CCSER1: variants seen among roughly 807,000 people sequenced by gnomAD.
CCSER1 encodes coiled-coil serine rich protein 1, also known as serine-rich coiled-coil domain-containing protein 1.
Under a neutral mutation model 82.0 loss-of-function variants are expected in CCSER1, and 41 were observed. The observed-to-expected ratio is 0.50, with a 90% CI of 0.39 to 0.65. The LOEUF (loss-of-function observed/expected upper bound fraction) is 0.65. CCSER1 is among the 30% of genes least tolerant of loss of function. The probability of loss-of-function intolerance (pLI) is 0.00; values close to 1 mark genes in which losing one functional copy is unlikely to be tolerated. For missense variants in CCSER1, 1,119 were observed against 1,064.2 expected (o/e 1.05, Z -0.72); for synonymous variants, 414 against 383.9 (o/e 1.08, Z -0.92).
At chr4:90,875,408 G>C (rs1767071522) in intron 8 of CCSER1, among the ~76,000 whole-genome samples, 1 of 152,038 alleles carries the variant, frequency 6.6e-6, no homozygotes, top group South Asian at 2.1e-4. Flanking sequence ...ATAAAACAAA[G>C]AACCTCTCTT....
Position 91,503,273 on chromosome 4 carries a change from C to T in CCSER1, c.2218-95299C>T, listed in dbSNP as rs1350343213. ...AGGAGAATGGAGTGAACCCGGGAGG[C>T]GGAGCTTGCAGTGAGCCAAGATGGT... On this transcript the variant is annotated intron_variant, in intron 10 of 10. Coordinates refer to ENST00000509176, the MANE Select transcript of CCSER1 (RefSeq NM_001145065.2). Among the ~76,000 whole-genome samples, 47 of 149,384 alleles carry T rather than the reference C, an allele frequency of 3.1e-4. 1 individual carries two copies. Among genetic ancestry groups the T allele is most frequent in the Non-Finnish European group, 6.5e-4 (44 of 67,598 alleles).
chr4:91,202,540 T>C (rs1044385315), intron 10 of CCSER1, among the ~76,000 whole-genome samples: 3 of 152,010 alleles, frequency 2.0e-5, no homozygotes, highest in African/African-American at 7.2e-5. Context: ...AGGATTTTTA[T>C]TGATTGCCGA....
At chr4:91,085,748 A>G (rs979863979) in intron 9 of CCSER1, among the ~76,000 whole-genome samples, 2 of 151,426 alleles carry the variant, frequency 1.3e-5, no homozygotes, top group African/African-American at 4.9e-5. Context: ...GTCGGCAGGA[A>G]ATGCATTGGG....
At chr4:90,314,293 T>C (rs1277280033) in intron 3 of CCSER1, among the ~76,000 whole-genome samples, 1 of 152,204 alleles carries the variant, frequency 6.6e-6, no homozygotes, top group East Asian at 1.9e-4. Flanking sequence ...GCTATTATAT[T>C]ATTATTGTTG....
At chr4:90,454,552 G>C (rs919490075) in intron 4 of CCSER1, among the ~76,000 whole-genome samples, 6 of 152,144 alleles carry the variant, frequency 3.9e-5, no homozygotes. Context: ...AAGCCCTCCA[G>C]TATGCACACC....
At chr4:90,648,310 A>AAAGAAAGAAAGCAAGAAAGC in intron 6 of CCSER1, among the ~76,000 whole-genome samples, 1 of 151,176 alleles carries the variant, frequency 6.6e-6, no homozygotes, top group African/African-American at 2.4e-5. Context: ...AGAAAGAAAG[A>AAAGAAAGAAAGCAAGAAAGC]AAGAAAGAAA....
At chr4:91,155,965 T>G (rs1730774804) in intron 10 of CCSER1, among the ~76,000 whole-genome samples, 1 of 151,822 alleles carries the variant, frequency 6.6e-6, no homozygotes, top group African/African-American at 2.4e-5. Flanking sequence ...TAATTTACAT[T>G]ATTATTATTT....
chr4:90,845,379 A>T (rs866743398), intron 8 of CCSER1, among the ~76,000 whole-genome samples: 3 of 151,370 alleles, frequency 2.0e-5, no homozygotes, highest in African/African-American at 4.9e-5. Context: ...AAAAAAAAAA[A>T]AGAATATTTG....
intron 10 of CCSER1, among the ~76,000 whole-genome samples, chr4:91,562,274 A>T (rs2110256943): frequency 6.6e-6 from 1 of 151,630 alleles, no homozygotes; most frequent in East Asian, 1.9e-4. Context: ...GTGAACTTTT[A>T]TGTCTTTAAA....
intron 7 of CCSER1, among the ~76,000 whole-genome samples, chr4:90,737,850 T>C (rs543184345): frequency 1.8e-4 from 28 of 152,312 alleles, no homozygotes; most frequent in African/African-American, 6.5e-4. Flanking sequence ...TTATTACTTT[T>C]TTATTCTCCT....
chr4:91,198,645 T>C (rs774793871), intron 10 of CCSER1, among the ~76,000 whole-genome samples: 2 of 151,916 alleles, frequency 1.3e-5, no homozygotes, highest in African/African-American at 4.8e-5. Context: ...AAAAAGAAAG[T>C]AGGGATGTCA....
At chr4:91,489,194 G>A (rs1403077053) in intron 10 of CCSER1, among the ~76,000 whole-genome samples, 1 of 152,166 alleles carries the variant, frequency 6.6e-6, no homozygotes, top group Non-Finnish European at 1.5e-5. Flanking sequence ...AACATGACTA[G>A]AATTAAGTGA....
In CCSER1 at chr4:91,544,069, T is replaced by C. The variant is rs181088846; in HGVS notation, c.2218-54503T>C. 2.2e-4 allele frequency among the ~76,000 whole-genome samples: 33 copies of C among 152,284 alleles called. No homozygotes were observed. In the East Asian group the frequency reaches 5.6e-3, roughly 26 times the overall value. ...CATTCATTTGATCTTCAATCACTGA[T>C]ACCCTTTCTTCCACTTGATTGAATT... On this transcript the variant is annotated intron_variant, in intron 10 of 10. Transcript: ENST00000509176.
intron 5 of CCSER1, among the ~76,000 whole-genome samples, chr4:90,617,821 T>G (rs537569137): frequency 1.3e-5 from 2 of 152,258 alleles, no homozygotes; most frequent in East Asian, 3.9e-4. Context: ...CCTGAGATTT[T>G]CTTACTAATC....
intron 10 of CCSER1, chr4:91,319,613 C>T (rs1372826272): frequency 2.2e-6 from 1 of 453,336 alleles, no homozygotes; most frequent in Non-Finnish European, 4.4e-6. Flanking sequence ...TGCAGAATTG[C>T]AGTTTTTGAC....
At chr4:91,296,491 A>ATT (rs1744194861) in intron 10 of CCSER1, among the ~76,000 whole-genome samples, 1 of 140,920 alleles carries the variant, frequency 7.1e-6, no homozygotes, top group Non-Finnish European at 1.5e-5. Flanking sequence ...ATATATTTTA[A>ATT]TTAAATATAC....
At chr4:91,482,938 C>T (rs1758019777) in intron 10 of CCSER1, among the ~76,000 whole-genome samples, 1 of 151,672 alleles carries the variant, frequency 6.6e-6, no homozygotes, top group African/African-American at 2.4e-5. Flanking sequence ...ACACCAGGGC[C>T]TGTTGTGGGG....
In CCSER1 at chr4:90,546,670, T is replaced by A. The variant is rs191268077; in HGVS notation, c.1724+78316T>A. 6.6e-3 allele frequency among the ~76,000 whole-genome samples: 1,006 copies of A among 152,226 alleles called. 3 individuals are homozygous for A. The highest frequency in any genetic ancestry group is 0.011 in the Non-Finnish European group (731 of 67,984). ...AATGAGTGACTTTTAATAAAAAAAA[T>A]TTCCTATAAAAGATACTGATTTTCT... On this transcript the variant is annotated intron_variant, in intron 5 of 10. Transcript: ENST00000509176.
At chr4:90,464,371 T>TA (rs1763347361) in intron 4 of CCSER1, among the ~76,000 whole-genome samples, 2 of 152,250 alleles carry the variant, frequency 1.3e-5, no homozygotes, top group Non-Finnish European at 2.9e-5. Context: ...ATTTGTATAA[T>TA]TAAACATCGG....
Sources: allele counts gnomAD v4.1 joint callset (sites outside exome capture counted in the v4.1 genomes callset), GRCh38; gene constraint gnomAD v4.1.1; transcripts MANE v1.5; gene names NCBI Gene and HGNC (gene_info 2026-07-23, HGNC 2026-07-21).